Variants in LIN7A observed in about 807,000 individuals in gnomAD.
The protein encoded by LIN7A is lin-7 cell polarity scaffold A.
Under a neutral mutation model 29.8 loss-of-function variants are expected in LIN7A, and 25 were observed. The ratio of observed to expected loss-of-function variants is 0.84; its 90% CI spans 0.61 to 1.17. The LOEUF (loss-of-function observed/expected upper bound fraction) is 1.17. LIN7A is among the 50% of genes most tolerant of loss of function. The pLI is 0.00. For synonymous variants in LIN7A, 118 were observed against 107.5 expected, an observed-to-expected ratio of 1.10 and a Z score of -0.60; for missense variants, 239 against 287.0, an observed-to-expected ratio of 0.83 and a Z score of 1.21.
At chr12:80,843,854 T>A (rs537559555) in intron 4 of LIN7A, among the ~76,000 whole-genome samples, 52 of 152,222 alleles carry the variant, frequency 3.4e-4, no homozygotes, top group Admixed American at 9.8e-4. Context: ...AAAACATCAT[T>A]GCAAGGAATG....
intron 4 of LIN7A, among the ~76,000 whole-genome samples, chr12:80,816,585 C>T (rs2121514959): frequency 6.6e-6 from 1 of 152,034 alleles, no homozygotes; most frequent in South Asian, 2.1e-4. Flanking sequence ...TCTCCTATAA[C>T]ATTGATGTAC....
intron 2 of LIN7A, among the ~76,000 whole-genome samples, chr12:80,880,558 G>T (rs992223498): frequency 2.6e-5 from 4 of 152,156 alleles, no homozygotes; most frequent in African/African-American, 9.7e-5. Context: ...AATTATCAGT[G>T]TCTTTCACAC....
rs368916189 is a variant in LIN7A, at chr12:80,822,008, T to G, written c.484-10325A>C. Among the ~76,000 whole-genome samples the G allele has an allele frequency of 2.0e-4, 30 of 152,298 alleles. No individual in the cohort carries two copies. The South Asian group carries it at 5.6e-3, about 28-fold the overall frequency. The stretch of plus-strand genomic sequence containing the variant: ...CTGACACCTCAGCCCTCTGTGGACT[T>G]TGGGCACTAACGAGCCCAAAGTATT... On this transcript the variant is annotated intron_variant, in intron 4 of 5. Coordinates refer to ENST00000552864, the MANE Select transcript of LIN7A (RefSeq NM_004664.4).
chr12:80,813,942 G>T (rs187981212), intron 4 of LIN7A, among the ~76,000 whole-genome samples: 20 of 152,070 alleles, frequency 1.3e-4, no homozygotes, highest in African/African-American at 4.8e-4. Context: ...GACGACCTAG[G>T]AGTCACACTG....
chr12:80,845,215 G>C (rs942215510), intron 4 of LIN7A, among the ~76,000 whole-genome samples: 31 of 145,388 alleles, frequency 2.1e-4, no homozygotes, highest in Admixed American at 1.7e-3. Context: ...CCAGCCTGGG[G>C]GACAGTGTGA....
At chr12:80,813,917 G>A (rs1370863584) in intron 4 of LIN7A, among the ~76,000 whole-genome samples, 1 of 152,028 alleles carries the variant, frequency 6.6e-6, no homozygotes, top group Non-Finnish European at 1.5e-5. Context: ...ACTGAGATAA[G>A]GTTAAAGAGT....
At chr12:80,908,167 T>G (rs966342848) in intron 1 of LIN7A, among the ~76,000 whole-genome samples, 10 of 152,214 alleles carry the variant, frequency 6.6e-5, no homozygotes, top group African/African-American at 2.4e-4. Context: ...TTTCCAGACT[T>G]GCTTTTTCCA....
chr12:80,919,320 C>G (rs947449012), intron 1 of LIN7A, among the ~76,000 whole-genome samples: 1 of 152,110 alleles, frequency 6.6e-6, no homozygotes, highest in Non-Finnish European at 1.5e-5. Context: ...GGTGTAAAAC[C>G]CCTCTAAGAG....
At chr12:80,892,312 A>C (rs566100232) in intron 1 of LIN7A, among the ~76,000 whole-genome samples, 1 of 152,328 alleles carries the variant, frequency 6.6e-6, no homozygotes, top group African/African-American at 2.4e-5. Context: ...TGAATGAATG[A>C]GGGATTAATT....
intron 1 of LIN7A, among the ~76,000 whole-genome samples, chr12:80,899,576 T>G (rs1876088136): frequency 6.6e-6 from 1 of 151,970 alleles, no homozygotes; most frequent in African/African-American, 2.4e-5. Context: ...TTCTTCTTTA[T>G]GTATCTGGGA....
intron 2 of LIN7A, among the ~76,000 whole-genome samples, chr12:80,851,998 A>T (rs1873357878): frequency 6.6e-6 from 1 of 152,198 alleles, no homozygotes; most frequent in African/African-American, 2.4e-5. Context: ...AAGTTCATTT[A>T]TTCATTTGTT....
chr12:80,886,005 A>C (rs1157963659), intron 2 of LIN7A, among the ~76,000 whole-genome samples: 1 of 152,074 alleles, frequency 6.6e-6, no homozygotes, highest in African/African-American at 2.4e-5. Context: ...TTGTTGGCAA[A>C]AGTGTGACCT....
Position 80,796,235 on chromosome 12 carries a change from G to GAACATTCA in LIN7A, c.*1484_*1491dup, listed in dbSNP as rs1870443374. The GAACATTCA allele has an allele frequency of 6.6e-6, 1 of 152,130 alleles. No homozygotes were observed. The highest frequency in any genetic ancestry group is 2.1e-4 in the South Asian group (1 of 4,830). The allele number at this position is 152,130 out of a possible 1,614,324, so 9.4% of individuals were successfully genotyped here. ...ATCAATTTCTGTATTTGAGAAAAGG[G>GAACATTCA]AACATTCAAATATTTGCCTGTGGTT... is the stretch of plus-strand genomic sequence containing the variant. On this transcript the variant is annotated 3_prime_UTR_variant, in exon 6 of 6. Coordinates refer to ENST00000552864, the MANE Select transcript of LIN7A (RefSeq NM_004664.4).
intron 4 of LIN7A, chr12:80,841,877 C>A: frequency 9.8e-7 from 1 of 1,018,980 alleles, no homozygotes; most frequent in Non-Finnish European, 1.2e-6. Context: ...CTTACTGTAA[C>A]ATTTTGACCT....
intron 2 of LIN7A, among the ~76,000 whole-genome samples, chr12:80,863,526 G>T (rs2120428899): frequency 6.6e-6 from 1 of 152,214 alleles, no homozygotes; most frequent in South Asian, 2.1e-4. Context: ...GATTTCCCAG[G>T]CCCTTTGACC....
rs1326420032 is a variant in LIN7A, at chr12:80,937,585, G to C, written c.82+56C>G. The C allele has an allele frequency of 5.4e-5, 68 of 1,268,172 alleles. No homozygotes were observed. In the East Asian group the frequency reaches 1.3e-3, roughly 25 times the overall value. 78.6% of individuals were successfully genotyped at this position (1,268,172 alleles called of 1,614,324 possible). ...TGTCCCGTTGGGAATTGGCAGGCGG[G>C]GAAGGGAGGAGGGGAGAGGGGACGC... On this transcript the variant is annotated intron_variant, in intron 1 of 5. Transcript: ENST00000552864.
rs560273883 is a variant in LIN7A, at chr12:80,792,972, C to A, written c.*4755G>T. The A allele has an allele frequency of 7.9e-5, 12 of 152,260 alleles. No homozygotes were observed. The East Asian group carries it at 2.3e-3, about 29-fold the overall frequency. 9.4% of individuals were successfully genotyped at this position (152,260 alleles called of 1,614,324 possible). On this transcript the variant is annotated 3_prime_UTR_variant, in exon 6 of 6. Coordinates refer to ENST00000552864, the MANE Select transcript of LIN7A (RefSeq NM_004664.4). ...TGTGATTTGTTTACCATGAATAATA[C>A]TTTGTTAATATCTTTTGTATATTAC...
intron 2 of LIN7A, among the ~76,000 whole-genome samples, chr12:80,877,857 T>C (rs1235691252): frequency 6.6e-6 from 1 of 150,626 alleles, no homozygotes; most frequent in Non-Finnish European, 1.5e-5. Context: ...AAATGACTTG[T>C]GCACTGGGAA....
intron 4 of LIN7A, among the ~76,000 whole-genome samples, chr12:80,838,852 G>A (rs1872691241): frequency 6.6e-6 from 1 of 152,110 alleles, no homozygotes; most frequent in Non-Finnish European, 1.5e-5. Context: ...CCCCTCTAAG[G>A]GCCAAGTGGC....
Sources: allele counts gnomAD v4.1 joint callset (sites outside exome capture counted in the v4.1 genomes callset), GRCh38; gene constraint gnomAD v4.1.1; transcripts MANE v1.5; gene names NCBI Gene and HGNC (gene_info 2026-07-23, HGNC 2026-07-21).